Variants in VPS28 observed in about 807,000 individuals in gnomAD.
VPS28 encodes vacuolar protein sorting-associated protein 28 homolog.
In VPS28, 29 loss-of-function variants were observed where a neutral mutation model predicts 33.7. The observed-to-expected ratio is 0.86, with a 90% confidence interval of 0.64 to 1.17. The LOEUF is 1.17. Ranked by LOEUF, VPS28 falls within the 50% of genes most tolerant of loss-of-function variation. VPS28 has a pLI of 0.00. For synonymous variants in VPS28, 164 were observed against 116.7 expected (o/e 1.40, Z -2.61); for missense variants, 247 against 312.2 (o/e 0.79, Z 1.57).
chr8:144,426,876 G>T (rs782542731), intron 2 of VPS28, 33 bp downstream of exon 2: 1 of 1,611,314 alleles, frequency 6.2e-7, no homozygotes, highest in Non-Finnish European at 8.5e-7. Flanking sequence ...TGCAGAAGCG[G>T]CTGAAAGCCT....
At chr8:144,426,379 G>C (rs1822745395) in intron 2 of VPS28, 171 bp from the exon 3 acceptor site, 1 of 863,976 alleles carries the variant, frequency 1.2e-6, no homozygotes, top group Non-Finnish European at 1.7e-6. Context: ...CAGTGTGTGG[G>C]GGGACCTGAT....
chr8:144,425,975 G>A (rs370641084), intron 4 of VPS28, 51 bp downstream of exon 4: 3 of 1,471,148 alleles, frequency 2.0e-6, no homozygotes, highest in South Asian at 2.8e-5. Flanking sequence ...CTGCCCCAGG[G>A]CAGCCAGATG....
At position 144,423,863 on chromosome 8, in the gene VPS28, T is replaced by C. The variant is rs1554875807; in HGVS notation, c.608A>G (p.Gln203Arg). ...GGCTGACTCCAGGTCGAACAGCATC[T>C]GACGCACCTGTGAGTCGTCCAGCTC... ...SDELDDSQVR[Q>R]MLFDLESAYN... Residue 203 changes from glutamine (Q) to arginine (R), a missense_variant, in exon 10 of 10, where the codon CAG (glutamine) becomes CGG (arginine). Around this residue, in one of 3 missense-constraint regions of VPS28, gnomAD observed 95 missense variants for 118.3 expected, o/e 0.80. Coordinates refer to ENST00000292510, the MANE Select transcript of VPS28 (RefSeq NM_016208.4). The C allele has an allele frequency of 6.2e-7, 1 of 1,613,148 alleles. No homozygotes were observed. Among genetic ancestry groups the C allele is most frequent in the African/African-American group, 1.3e-5 (1 of 75,080 alleles).
Position 144,426,897 on chromosome 8 carries a change from A to T in VPS28, c.37+12T>A. 5 of 1,612,390 alleles carry T rather than the reference A, an allele frequency of 3.1e-6. No homozygotes were observed. Among genetic ancestry groups the T allele is most frequent in the Non-Finnish European group, 4.2e-6 (5 of 1,179,678 alleles). ...AGCGGCTGAAAGCCTGCGCCCTTCC[A>T]GCCACACTCACCTCCTATGCCCGGC... On this transcript the variant is annotated intron_variant, in intron 2 of 9. Transcript: ENST00000292510.
rs371861006 is a variant in VPS28, at chr8:144,424,072, C to T, written c.517G>A (p.Asp173Asn). The change falls in exon 9 of 10, where the codon GAC becomes AAC. Residue 173 changes from aspartate to asparagine, a missense_variant. Physicochemically the swap from Asp to Asn is conservative, Grantham distance 23. Around this residue, in one of 3 missense-constraint regions of VPS28, gnomAD observed 95 missense variants for 118.3 expected, o/e 0.80. Coordinates refer to ENST00000292510, the MANE Select transcript of VPS28 (RefSeq NM_016208.4). The stretch of plus-strand genomic sequence containing the variant: ...CTGACCGTCTGGCGGCCCTCAAAGT[C>T]GGGTGGGAGGTGGCTCATGCGGTGC... ...TMHRMSHLPPDFEGRQTVSQW... is the reference protein window; with the variant it reads ...TMHRMSHLPPNFEGRQTVSQW... The T allele has an allele frequency of 4.0e-5, 62 of 1,566,564 alleles. No homozygotes were observed. Among genetic ancestry groups the T allele is most frequent in the South Asian group, 6.0e-5 (5 of 83,636 alleles).
chr8:144,423,841 T>C lies in VPS28; in HGVS notation c.630A>G (p.Ser210=), dbSNP rs782633289. The change falls in exon 10 of 10, where the codon TCA becomes TCG. Residue 210 remains serine (S), a synonymous_variant. Transcript: ENST00000292510. ...QVRQMLFDLE[S]AYNAFNRFLH... is the part of the protein sequence containing the mutation. ...GGAAGCGGTTGAAGGCGTTGTAGGC[T>C]GACTCCAGGTCGAACAGCATCTGAC... 4.3e-6 allele frequency: 7 copies of C among 1,613,166 alleles called. No homozygotes were observed. The highest frequency in any genetic ancestry group is 1.3e-5 in the African/African-American group (1 of 75,082).
In VPS28 at chr8:144,425,676, C is replaced by T. The variant is rs374357208; in HGVS notation, c.194+7G>A. On this transcript the variant is annotated splice_region_variant and intron_variant, in intron 5 of 9. Coordinates refer to ENST00000292510, the MANE Select transcript of VPS28 (RefSeq NM_016208.4). ...AGGAACAGACCTCCCAGGACGTGGG[C>T]TCTTACTCGCTGGGGGAGACACAGT... 10 of 1,613,646 alleles carry T rather than the reference C, an allele frequency of 6.2e-6. No individual in the cohort carries two copies. The highest frequency in any genetic ancestry group is 8.5e-6 in the Non-Finnish European group (10 of 1,179,798).
rs1554875915 is a variant in VPS28, at chr8:144,424,054, T to C, written c.535A>G (p.Thr179Ala). 4.4e-6 allele frequency: 7 copies of C among 1,576,090 alleles called. No individual in the cohort carries two copies. Among genetic ancestry groups the C allele is most frequent in the Admixed American group, 3.5e-5 (2 of 57,568 alleles). The change falls in exon 9 of 10, where the codon ACG becomes GCG. Residue 179 changes from threonine to alanine, a missense_variant. Thr to Ala is a moderately conservative substitution (Grantham distance 58). Transcript: ENST00000292510. ...HLPPDFEGRQ[T>A]VSQWLQTLSG... ...AGGGACACCCACCACTGGCTGACCG[T>C]CTGGCGGCCCTCAAAGTCGGGTGGG...
At chr8:144,423,982 G>T (rs149889412) in intron 9 of VPS28, 59 bp downstream of exon 9, 2 of 1,609,584 alleles carry the variant, frequency 1.2e-6, no homozygotes, top group Non-Finnish European at 1.7e-6. Flanking sequence ...GCGGGGCTCC[G>T]CCTGGCTGGG....
intron 7 of VPS28, 169 bp downstream of exon 7, chr8:144,424,549 G>T: frequency 1.2e-6 from 1 of 852,764 alleles, no homozygotes; most frequent in Non-Finnish European, 1.8e-6. Flanking sequence ...GGTGGCCTGG[G>T]GGCGTCCCCG....
At chr8:144,426,248 G>T in intron 2 of VPS28, 40 bp from the exon 3 acceptor site, 1 of 1,561,542 alleles carries the variant, frequency 6.4e-7, no homozygotes, top group South Asian at 1.2e-5. Context: ...TGGCCCCAAA[G>T]GGAACCCAAG....
chr8:144,423,659 C>G lies in VPS28; in HGVS notation c.*146G>C. On this transcript the variant is annotated 3_prime_UTR_variant, in exon 10 of 10. Transcript: ENST00000292510. The stretch of plus-strand genomic sequence containing the variant: ...TTTATTGTGGGGAGGGGCCCGGCCC[C>G]CAAAGTTCTGACACCAAAGACAGAC... 1.8e-6 allele frequency: 2 copies of G among 1,104,840 alleles called. No individual in the cohort carries two copies. The highest frequency in any genetic ancestry group is 2.6e-6 in the Non-Finnish European group (2 of 766,202). 68.4% of individuals were successfully genotyped at this position (1,104,840 alleles called of 1,614,324 possible). A position where few individuals can be genotyped will look rare whatever the true frequency, so the allele number is the denominator to read the frequency against.
Position 144,424,470 on chromosome 8 carries a change from C to G in VPS28, c.403-202G>C, listed in dbSNP as rs369721023. 9.1e-5 allele frequency: 74 copies of G among 812,538 alleles called. No individual in the cohort carries two copies. In the African/African-American group the frequency reaches 9.3e-4, roughly 10 times the overall value. The allele number at this position is 812,538 out of a possible 1,614,324, so 50.3% of individuals were successfully genotyped here. A position where few individuals can be genotyped will look rare whatever the true frequency, so the allele number is the denominator to read the frequency against. Reference sequence around the variant, plus strand: ...TGGGAACTGAAGGGTGGGCCCACACCCACACTCTCTCCCGAGGCCAGGACC... The same window carrying G: ...TGGGAACTGAAGGGTGGGCCCACACGCACACTCTCTCCCGAGGCCAGGACC... On this transcript the variant is annotated intron_variant, in intron 7 of 9. Coordinates refer to ENST00000292510, the MANE Select transcript of VPS28 (RefSeq NM_016208.4).
chr8:144,424,890 C>G (rs782240915), intron 6 of VPS28, 56 bp downstream of exon 6: 5 of 1,611,368 alleles, frequency 3.1e-6, no homozygotes, highest in Admixed American at 1.7e-5. Context: ...CCTCTGGCAC[C>G]CCATACCCAT....
chr8:144,427,285 C>T, intron 1 of VPS28: 1 of 196,094 alleles, frequency 5.1e-6, no homozygotes, highest in Non-Finnish European at 1.1e-5. Context: ...GGAGACAGAG[C>T]AAGACCCTGT....
Position 144,424,967 on chromosome 8 carries a change from GTCAAT to G in VPS28, c.274_278del (p.Ile92ArgfsTer59). 2 of 1,568,162 alleles carry G rather than the reference GTCAAT, an allele frequency of 1.3e-6. No homozygotes were observed. The highest frequency in any genetic ancestry group is 2.3e-5 in the South Asian group (2 of 86,406). On this transcript the variant is annotated frameshift_variant, in exon 6 of 10. Coordinates refer to ENST00000292510, the MANE Select transcript of VPS28 (RefSeq NM_016208.4). LOFTEE classifies it high-confidence loss of function. ...TCACGCGGAACTTGCGGCAGAATTC[GTCAAT>G]AGAGCTGATTTCTGAGCCCTGGACC...
In VPS28 at chr8:144,424,812, C is replaced by A. The variant is rs781862454; in HGVS notation, c.308G>T (p.Cys103Phe). Residue 103 changes from cysteine to phenylalanine, a missense_variant, in exon 7 of 10, where the codon TGC becomes TTC. Around this residue, in one of 3 missense-constraint regions of VPS28, gnomAD observed 149 missense variants for 172.8 expected, o/e 0.86. Transcript: ENST00000292510. ...DEFCRKFRLDCPLAMERIKED... is the reference protein window; with the variant it reads ...DEFCRKFRLDFPLAMERIKED... The stretch of plus-strand genomic sequence containing the variant: ...CTTGATCCGCTCCATGGCCAGCGGG[C>A]AGTCCAGCTGTTGGGGGTGACATGG... 2 of 1,613,912 alleles carry A rather than the reference C, an allele frequency of 1.2e-6. No homozygotes were observed. The highest frequency in any genetic ancestry group is 1.7e-6 in the Non-Finnish European group (2 of 1,179,994).
rs782017100 is a variant in VPS28, at chr8:144,426,039, G to A, written c.91C>T (p.Arg31Trp). The change falls in exon 4 of 10, where the codon CGG becomes TGG. Residue 31 changes from arginine to tryptophan, a missense_variant. Coordinates refer to ENST00000292510, the MANE Select transcript of VPS28 (RefSeq NM_016208.4). ...GCCTGGACTTACTTCTCCCTCTCCCGGGCGTTCTTGTACAACTTCACTTCC... is the reference window on the plus strand; with the variant it reads ...GCCTGGACTTACTTCTCCCTCTCCCAGGCGTTCTTGTACAACTTCACTTCC... ...YEEVKLYKNAREREKYDNMAE... is the reference protein window; with the variant it reads ...YEEVKLYKNAWEREKYDNMAE... 3.9e-6 allele frequency: 6 copies of A among 1,529,602 alleles called. No individual in the cohort carries two copies. The highest frequency in any genetic ancestry group is 1.4e-5 in the African/African-American group (1 of 72,516). The allele number at this position is 1,529,602 out of a possible 1,614,324, so 94.8% of individuals were successfully genotyped here. A position where few individuals can be genotyped will look rare whatever the true frequency, so the allele number is the denominator to read the frequency against.
chr8:144,426,398 C>G (rs1249646642), intron 2 of VPS28, 190 bp from the exon 3 acceptor site: 3 of 714,972 alleles, frequency 4.2e-6, no homozygotes, highest in East Asian at 6.2e-5. Context: ...ATGATAACAC[C>G]TCTGAGAAGC....
Sources: allele counts gnomAD v4.1 joint callset, GRCh38; gene constraint gnomAD v4.1.1; regional missense constraint gnomAD v4.1.1; transcripts MANE v1.5; gene names NCBI Gene and HGNC (gene_info 2026-07-23, HGNC 2026-07-21).